The following CFAP58 variants were observed in gnomAD, a reference collection of about 807,000 sequenced individuals.
CFAP58 encodes cilia and flagella associated protein 58, also known as cilia- and flagella-associated protein 58.
CFAP58 carries 88 observed loss-of-function variants against 119.5 expected under a neutral mutation model. That is an observed-to-expected ratio of 0.74 (90% CI 0.62 to 0.88). The LOEUF (loss-of-function observed/expected upper bound fraction) is 0.88, where lower values mean the gene tolerates loss of function less well. Among genes scored for constraint, CFAP58 ranks in the 40% least tolerant of loss-of-function variants. The pLI is 0.00. For missense variants in CFAP58, 990 were observed against 1,021.2 expected (o/e 0.97, Z 0.42); for synonymous variants, 365 against 366.3 (o/e 1.00, Z 0.04).
At chr10:104,357,882 C>T (rs531888405) in intron 1 of CFAP58, among the ~76,000 whole-genome samples, 1,258 of 108,276 alleles carry the variant, frequency 0.012, 90 homozygotes, top group African/African-American at 0.048. Context: ...TATATGTACA[C>T]ATATATAAAC....
At chr10:104,419,863 T>G (rs927726961) in intron 15 of CFAP58, among the ~76,000 whole-genome samples, 2 of 152,200 alleles carry the variant, frequency 1.3e-5, no homozygotes, top group East Asian at 3.8e-4. Flanking sequence ...TGTTAAAAAT[T>G]TAGCATAAGA....
At chr10:104,446,421 G>C (rs148004234) in intron 15 of CFAP58, among the ~76,000 whole-genome samples, 167 of 152,294 alleles carry the variant, frequency 1.1e-3, no homozygotes, top group African/African-American at 3.9e-3. Context: ...TTTTGTAATG[G>C]AGTTTCAATA....
intron 15 of CFAP58, among the ~76,000 whole-genome samples, chr10:104,423,226 A>G (rs1214179205): frequency 6.6e-6 from 1 of 152,176 alleles, no homozygotes; most frequent in Admixed American, 6.5e-5. Flanking sequence ...ATTTATTCCC[A>G]TGCATTTGGA....
intron 8 of CFAP58, among the ~76,000 whole-genome samples, chr10:104,378,305 T>G (rs1173755558): frequency 6.6e-6 from 1 of 152,232 alleles, no homozygotes; most frequent in East Asian, 1.9e-4. Flanking sequence ...TTTAGTGTCA[T>G]GTGGAAGTGG....
chr10:104,443,195 C>A (rs11597779), intron 15 of CFAP58, among the ~76,000 whole-genome samples: 35,579 of 152,102 alleles, frequency 0.23, 4,263 homozygotes, highest in Middle Eastern at 0.33. Flanking sequence ...TATCTGTTGA[C>A]ATTTTGAGAA....
intron 15 of CFAP58, among the ~76,000 whole-genome samples, chr10:104,441,163 C>G (rs1227680167): frequency 1.3e-5 from 2 of 152,146 alleles, no homozygotes; most frequent in Admixed American, 6.5e-5. Flanking sequence ...CCACCATGCC[C>G]AGCTAATTTT....
rs148090037 is a variant in CFAP58, at chr10:104,414,438, G to A, written c.2256+7645G>A. On this transcript the variant is annotated intron_variant, in intron 15 of 17. Coordinates refer to ENST00000369704, the MANE Select transcript of CFAP58 (RefSeq NM_001008723.2). ...TTTGTTGTGATTCCTTGATAGATGT[G>A]CAGAGCCCAAGAATCAAAAGGGAAA... Among the ~76,000 whole-genome samples, 992 of 152,164 alleles carry A rather than the reference G, an allele frequency of 6.5e-3. 7 individuals are homozygous for A. Among genetic ancestry groups the A allele is most frequent in the Admixed American group, 0.01 (156 of 15,290 alleles).
At chr10:104,431,822 C>G in intron 15 of CFAP58, among the ~76,000 whole-genome samples, 1 of 152,128 alleles carries the variant, frequency 6.6e-6, no homozygotes, top group Non-Finnish European at 1.5e-5. Context: ...GATTTATATA[C>G]ATGGTATTAT....
intron 1 of CFAP58, among the ~76,000 whole-genome samples, chr10:104,358,030 CAT>C (rs1554912755): frequency 2.2e-5 from 3 of 137,036 alleles, no homozygotes; most frequent in African/African-American, 8.2e-5. Context: ...CATATATATA[CAT>C]ATGTACATAT....
intron 14 of CFAP58, among the ~76,000 whole-genome samples, chr10:104,405,901 A>G (rs1379722556): frequency 2.0e-5 from 3 of 152,320 alleles, no homozygotes; most frequent in South Asian, 2.1e-4. Context: ...GCCTGAGCCC[A>G]GGAGTAAACC....
At chr10:104,370,175 A>C (rs17116963) in intron 6 of CFAP58, among the ~76,000 whole-genome samples, 1,639 of 152,320 alleles carry the variant, frequency 0.011, 37 homozygotes, top group African/African-American at 0.038. Flanking sequence ...ATCACTTCAC[A>C]AGTTCATGAA....
intron 7 of CFAP58, among the ~76,000 whole-genome samples, 153 bp downstream of exon 7, chr10:104,371,207 G>T (rs2014819444): frequency 6.6e-6 from 1 of 151,898 alleles, no homozygotes; most frequent in African/African-American, 2.4e-5. Context: ...TATGGGGTGG[G>T]GTGGGGGGCA....
At chr10:104,354,354 C>T (rs1231799970) in intron 1 of CFAP58, among the ~76,000 whole-genome samples, 1 of 152,148 alleles carries the variant, frequency 6.6e-6, no homozygotes, top group Middle Eastern at 3.2e-3. Flanking sequence ...GATTTCCTAA[C>T]ATGTGATCAC....
chr10:104,339,328 A>G, the CFAP58 span, among the ~76,000 whole-genome samples: 6 of 152,192 alleles, frequency 3.9e-5, no homozygotes, highest in Admixed American at 1.3e-4. Context: ...TACTACCCCT[A>G]TGTTAGAAAC....
At chr10:104,381,302 A>G (rs1481086362) in intron 9 of CFAP58, among the ~76,000 whole-genome samples, 1 of 152,164 alleles carries the variant, frequency 6.6e-6, no homozygotes, top group African/African-American at 2.4e-5. Context: ...ATGGCTTTGG[A>G]GATTTGGATT....
At chr10:104,369,402 C>T (rs2014793761) in intron 6 of CFAP58, among the ~76,000 whole-genome samples, 1 of 152,188 alleles carries the variant, frequency 6.6e-6, no homozygotes, top group South Asian at 2.1e-4. Flanking sequence ...TGAAGTCTAA[C>T]TGTGGGGTCT....
intron 15 of CFAP58, among the ~76,000 whole-genome samples, chr10:104,425,970 T>C (rs2133073085): frequency 6.6e-6 from 1 of 152,294 alleles, no homozygotes; most frequent in South Asian, 2.1e-4. Flanking sequence ...TGCTGGCTCA[T>C]GCCTATAATC....
At chr10:104,440,263 C>G (rs1378168429) in intron 15 of CFAP58, among the ~76,000 whole-genome samples, 1 of 152,068 alleles carries the variant, frequency 6.6e-6, no homozygotes, top group Non-Finnish European at 1.5e-5. Flanking sequence ...ATACCAAACA[C>G]AATTCTATTT....
chr10:104,449,307 TAA>T (rs2013158094), intron 16 of CFAP58, among the ~76,000 whole-genome samples: 1 of 152,214 alleles, frequency 6.6e-6, no homozygotes, highest in Non-Finnish European at 1.5e-5. Flanking sequence ...TGCAAATATT[TAA>T]AACAACAAGC....
Sources: gnomAD v4.1 joint callset for allele counts (sites outside exome capture counted in the v4.1 genomes callset) on GRCh38, gnomAD v4.1.1 for gene constraint, MANE v1.5 for transcripts, NCBI Gene and HGNC (gene_info 2026-07-23, HGNC 2026-07-21) for gene names.